The following ST6GAL2 variants were observed in gnomAD, a reference collection of about 807,000 sequenced individuals.
ST6GAL2 encodes the protein beta-galactoside alpha-2,6-sialyltransferase 2.
A neutral mutation model predicts 37.5 loss-of-function variants in ST6GAL2; 24 were observed. The observed-to-expected ratio is 0.64, with a 90% confidence interval of 0.46 to 0.90. ST6GAL2 has a LOEUF of 0.90. Ranked by LOEUF, ST6GAL2 falls within the 40% of genes least tolerant of loss-of-function variation. The pLI is 0.00. For missense variants in ST6GAL2, 715 were observed against 712.7 expected (o/e 1.00, Z -0.04); for synonymous variants, 306 against 295.1 (o/e 1.04, Z -0.38).
intron 4 of ST6GAL2, among the ~76,000 whole-genome samples, chr2:106,831,054 C>A (rs1401584674): frequency 1.3e-5 from 2 of 152,200 alleles, no homozygotes; most frequent in African/African-American, 4.8e-5. Flanking sequence ...TTCAACTCAT[C>A]AAACTCCCTT....
chr2:106,832,790 C>A, intron 3 of ST6GAL2, 124 bp from the exon 4 acceptor site: 1 of 708,886 alleles, frequency 1.4e-6, no homozygotes, highest in Non-Finnish European at 2.6e-6. Flanking sequence ...GTTGTATTTT[C>A]TTCTGGGGGA....
At chr2:106,844,632 A>G (rs1425489650) in intron 1 of ST6GAL2, among the ~76,000 whole-genome samples, 1 of 152,226 alleles carries the variant, frequency 6.6e-6, no homozygotes, top group Non-Finnish European at 1.5e-5. Context: ...TGCTTCAGTG[A>G]CTGTGTCTGT....
At chr2:106,828,973 C>T (rs1411786800) in intron 5 of ST6GAL2, among the ~76,000 whole-genome samples, 1 of 152,106 alleles carries the variant, frequency 6.6e-6, no homozygotes, top group Non-Finnish European at 1.5e-5. Flanking sequence ...TATATAAAAC[C>T]CATCTGTAGA....
intron 5 of ST6GAL2, among the ~76,000 whole-genome samples, chr2:106,807,887 G>C (rs1193346751): frequency 6.6e-6 from 1 of 152,092 alleles, no homozygotes; most frequent in Non-Finnish European, 1.5e-5. Flanking sequence ...GCCTCTCAAA[G>C]TGCTGGGATT....
intron 2 of ST6GAL2, 32 bp from the exon 3 acceptor site, chr2:106,834,178 G>C (rs1676540090): frequency 6.6e-7 from 1 of 1,507,490 alleles, no homozygotes; most frequent in African/African-American, 1.4e-5. Flanking sequence ...GCTTACTTTT[G>C]TTCTCTGTAG....
rs553426452 is a variant in ST6GAL2 at position 106,808,005 on chromosome 2, A to T, written c.1319-1056T>A. Among the ~76,000 whole-genome samples, 6 of 151,602 alleles carry T rather than the reference A, an allele frequency of 4.0e-5. No homozygotes were observed. In the South Asian group the frequency reaches 1.0e-3, roughly 27 times the overall value. On this transcript the variant is annotated intron_variant, in intron 5 of 5. Transcript: ENST00000409382. ...CCATGCCACTATTAACTTGAAAGTT[A>T]AAAAAAAAGACATCTCTTTTCTGAA... is the stretch of plus-strand genomic sequence containing the variant.
chr2:106,877,185 T>A (rs958679718), intron 1 of ST6GAL2, among the ~76,000 whole-genome samples: 1 of 152,208 alleles, frequency 6.6e-6, no homozygotes, highest in Non-Finnish European at 1.5e-5. Context: ...AATCCTCTTA[T>A]GGCCTTCTGT....
chr2:106,863,874 A>C (rs1018579425), intron 1 of ST6GAL2, among the ~76,000 whole-genome samples: 5 of 152,196 alleles, frequency 3.3e-5, no homozygotes, highest in Non-Finnish European at 7.3e-5. Flanking sequence ...AAGCTACAAA[A>C]CAATATTATT....
At chr2:106,834,504 G>T in intron 2 of ST6GAL2, 1 of 169,780 alleles carries the variant, frequency 5.9e-6, no homozygotes, top group Non-Finnish European at 1.3e-5. Flanking sequence ...TACTGGAGCA[G>T]ATAAAGACAC....
intron 5 of ST6GAL2, among the ~76,000 whole-genome samples, chr2:106,817,131 G>A (rs1351129911): frequency 6.6e-6 from 1 of 152,188 alleles, no homozygotes; most frequent in Non-Finnish European, 1.5e-5. Flanking sequence ...AAACATCAAC[G>A]GCAGTCTAGG....
Position 106,837,922 on chromosome 2 carries a change from A to G in ST6GAL2, c.944-3776T>C, listed in dbSNP as rs76680455. Reference sequence around the variant, plus strand: ...TCTGCAGAGTTAAAAGGCCACCTGCATGGAGAGGGCAGGGAGGCAGGGTCA... The same window carrying G: ...TCTGCAGAGTTAAAAGGCCACCTGCGTGGAGAGGGCAGGGAGGCAGGGTCA... On this transcript the variant is annotated intron_variant, in intron 2 of 5. Coordinates refer to ENST00000409382, the MANE Select transcript of ST6GAL2 (RefSeq NM_001142351.2). Among the ~76,000 whole-genome samples, 265 of 152,286 alleles carry G rather than the reference A, an allele frequency of 1.7e-3. 3 individuals are homozygous for G. The highest frequency in any genetic ancestry group is 6.1e-3 in the African/African-American group (255 of 41,556).
intron 1 of ST6GAL2, among the ~76,000 whole-genome samples, chr2:106,881,269 A>G (rs1018311531): frequency 2.6e-5 from 4 of 152,184 alleles, no homozygotes; most frequent in African/African-American, 2.4e-5. Flanking sequence ...GATTATAGGC[A>G]CTGCACCAGG....
In ST6GAL2 at chr2:106,830,258, A is replaced by G. The variant is rs778703829; in HGVS notation, c.1144-18T>C. On this transcript the variant is annotated intron_variant, in intron 4 of 5. Transcript: ENST00000409382. The stretch of plus-strand genomic sequence containing the variant: ...TTGTACCACTAAGGAAAAAAAAATC[A>G]ATGCAGTCAAGTAGAAAGAACTAAA... The G allele has an allele frequency of 1.3e-6, 2 of 1,599,244 alleles. No individual in the cohort carries two copies. The highest frequency in any genetic ancestry group is 1.7e-5 in the Admixed American group (1 of 58,992).
At chr2:106,837,220 G>GCC (rs1416356486) in intron 2 of ST6GAL2, among the ~76,000 whole-genome samples, 1 of 152,156 alleles carries the variant, frequency 6.6e-6, no homozygotes, top group Non-Finnish European at 1.5e-5. Flanking sequence ...GGCTCACAGT[G>GCC]CAATTACCCA....
chr2:106,829,833 A>G (rs895955297), intron 5 of ST6GAL2, among the ~76,000 whole-genome samples: 7 of 152,132 alleles, frequency 4.6e-5, no homozygotes, highest in Non-Finnish European at 7.4e-5. Context: ...TGGCACTCAA[A>G]GCAAAGGCTC....
At position 106,803,010 on chromosome 2, in the gene ST6GAL2, G is replaced by T. The variant is rs998279068; in HGVS notation, c.*3668C>A. On this transcript the variant is annotated 3_prime_UTR_variant, in exon 6 of 6. Transcript: ENST00000409382. ...GATCCCACTTAAAGCACCCAAACGG[G>T]ACCTACCTAATTAATTCAGGAGATG... is the stretch of plus-strand genomic sequence containing the variant. The T allele has an allele frequency of 4.6e-5, 7 of 152,116 alleles. No homozygotes were observed. The highest frequency in any genetic ancestry group is 3.3e-4 in the Admixed American group (5 of 15,284). 9.4% of individuals were successfully genotyped at this position (152,116 alleles called of 1,614,324 possible). A position where few individuals can be genotyped will look rare whatever the true frequency, so the allele number is the denominator to read the frequency against.
chr2:106,878,191 T>C (rs889935075), intron 1 of ST6GAL2, among the ~76,000 whole-genome samples: 5 of 152,354 alleles, frequency 3.3e-5, no homozygotes, highest in East Asian at 1.9e-4. Flanking sequence ...TAGGCTGGCA[T>C]AGTGGCTCAT....
intron 5 of ST6GAL2, among the ~76,000 whole-genome samples, chr2:106,817,896 A>T (rs1393400420): frequency 2.0e-5 from 3 of 152,106 alleles, no homozygotes; most frequent in African/African-American, 7.2e-5. Context: ...CTGACTGAAG[A>T]GTCCTTGGGC....
intron 5 of ST6GAL2, among the ~76,000 whole-genome samples, chr2:106,829,779 A>G (rs138959522): frequency 5.9e-5 from 9 of 152,254 alleles, no homozygotes; most frequent in African/African-American, 2.2e-4. Context: ...TGAATAACCA[A>G]AAGTTTAAAT....
Sources: gnomAD v4.1 joint callset for allele counts (sites outside exome capture counted in the v4.1 genomes callset) on GRCh38, gnomAD v4.1.1 for gene constraint, MANE v1.5 for transcripts, NCBI Gene and HGNC (gene_info 2026-07-23, HGNC 2026-07-21) for gene names.